The following GRIK4 variants were observed in gnomAD, a reference collection of about 807,000 sequenced individuals.
GRIK4 encodes the protein glutamate receptor ionotropic, kainate 4.
In GRIK4, 40 loss-of-function variants were observed where a neutral mutation model predicts 104.9. The ratio of observed to expected loss-of-function variants is 0.38; its 90% CI spans 0.30 to 0.50. GRIK4 has a LOEUF of 0.50. Ranked by LOEUF, GRIK4 falls within the 20% of genes least tolerant of loss-of-function variation. GRIK4 has a pLI of 0.93. For missense variants in GRIK4, 1,047 were observed against 1,308.1 expected, an observed-to-expected ratio of 0.80 and a Z score of 3.08; for synonymous variants, 485 against 524.9, an observed-to-expected ratio of 0.92 and a Z score of 1.04.
chr11:120,873,753 G>T (rs148087817), intron 9 of GRIK4: 155 of 226,760 alleles, frequency 6.8e-4, no homozygotes, highest in African/African-American at 3.2e-3. Context: ...AGCAGTGGCA[G>T]TTGCTTGTTT....
At chr11:120,788,728 C>T (rs904245440) in intron 3 of GRIK4, among the ~76,000 whole-genome samples, 1 of 152,100 alleles carries the variant, frequency 6.6e-6, no homozygotes, top group African/African-American at 2.4e-5. Flanking sequence ...CCCACTGGCT[C>T]CTCTTCTGAG....
intron 3 of GRIK4, among the ~76,000 whole-genome samples, chr11:120,746,994 G>A (rs1951451146): frequency 6.6e-6 from 1 of 152,140 alleles, no homozygotes; most frequent in South Asian, 2.1e-4. Flanking sequence ...GGGACGATGG[G>A]CTTGCTCTAA....
intron 3 of GRIK4, among the ~76,000 whole-genome samples, chr11:120,722,683 AC>A (rs1458385586): frequency 2.6e-5 from 4 of 151,848 alleles, no homozygotes; most frequent in Non-Finnish European, 5.9e-5. Context: ...CTGACTCCCG[AC>A]TTGGGCTCTT....
intron 1 of GRIK4, among the ~76,000 whole-genome samples, chr11:120,590,148 T>C (rs1487666323): frequency 6.6e-6 from 1 of 152,192 alleles, no homozygotes; most frequent in Non-Finnish European, 1.5e-5. Flanking sequence ...TCTTTAGTGT[T>C]TCAACCAGAG....
intron 1 of GRIK4, among the ~76,000 whole-genome samples, chr11:120,582,602 T>C (rs1948602034): frequency 6.6e-6 from 1 of 152,208 alleles, no homozygotes; most frequent in South Asian, 2.1e-4. Context: ...AGTAAGAACA[T>C]GCAGTATTTG....
intron 1 of GRIK4, among the ~76,000 whole-genome samples, chr11:120,533,627 C>T (rs963300959): frequency 5.3e-5 from 8 of 152,212 alleles, no homozygotes; most frequent in African/African-American, 1.9e-4. Flanking sequence ...CCTGTAATCC[C>T]AGCACTTTGG....
intron 11 of GRIK4, among the ~76,000 whole-genome samples, chr11:120,883,272 G>T (rs1276607357): frequency 6.6e-6 from 1 of 152,188 alleles, no homozygotes; most frequent in African/African-American, 2.4e-5. Flanking sequence ...CTGGGGACCT[G>T]AGGATTTTGT....
chr11:120,929,393 G>T (rs1330819191), intron 13 of GRIK4, among the ~76,000 whole-genome samples: 3 of 152,112 alleles, frequency 2.0e-5, no homozygotes, highest in Non-Finnish European at 4.4e-5. Flanking sequence ...TGATCCCATT[G>T]CCCTGCAGCT....
chr11:120,806,630 A>G (rs959378524), intron 4 of GRIK4, among the ~76,000 whole-genome samples: 4 of 152,246 alleles, frequency 2.6e-5, no homozygotes, highest in Non-Finnish European at 4.4e-5. Context: ...CTGGGGCTGT[A>G]GCACTCCAAC....
At chr11:120,570,061 C>T (rs1948377426) in intron 1 of GRIK4, among the ~76,000 whole-genome samples, 2 of 152,188 alleles carry the variant, frequency 1.3e-5, no homozygotes, top group African/African-American at 2.4e-5. Flanking sequence ...TTGGCTGCTC[C>T]GGGAGCCCCT....
intron 11 of GRIK4, among the ~76,000 whole-genome samples, chr11:120,875,901 C>G (rs1954774977): frequency 6.6e-6 from 1 of 152,114 alleles, no homozygotes; most frequent in Admixed American, 6.5e-5. Context: ...TTGAAGATCT[C>G]CCACCCTCGC....
intron 3 of GRIK4, among the ~76,000 whole-genome samples, chr11:120,710,617 C>T (rs1417520152): frequency 6.6e-6 from 1 of 152,158 alleles, no homozygotes; most frequent in Non-Finnish European, 1.5e-5. Flanking sequence ...GGAATGCGCC[C>T]TGCGGTTTTT....
chr11:120,668,638 G>A (rs932959796), intron 3 of GRIK4, among the ~76,000 whole-genome samples: 10 of 152,256 alleles, frequency 6.6e-5, no homozygotes, highest in African/African-American at 2.4e-4. Flanking sequence ...TTCCTTCAGT[G>A]GCTTTTCATA....
At chr11:120,811,406 C>A (rs151151141) in intron 4 of GRIK4, among the ~76,000 whole-genome samples, 30 of 152,206 alleles carry the variant, frequency 2.0e-4, no homozygotes, top group South Asian at 8.3e-4. Flanking sequence ...GTTAAGGGGC[C>A]GGTCTTTGGG....
chr11:120,534,853 T>C (rs1003721596), intron 1 of GRIK4, among the ~76,000 whole-genome samples: 1 of 152,070 alleles, frequency 6.6e-6, no homozygotes, highest in African/African-American at 2.4e-5. Context: ...CACTTCCCAA[T>C]GGGGGACACT....
At chr11:120,901,481 C>T (rs895788031) in intron 12 of GRIK4, among the ~76,000 whole-genome samples, 1 of 152,176 alleles carries the variant, frequency 6.6e-6, no homozygotes, top group African/African-American at 2.4e-5. Context: ...CCTGCTCTAA[C>T]TCCTGTCCTC....
At chr11:120,615,833 A>T (rs1271091605) in intron 1 of GRIK4, among the ~76,000 whole-genome samples, 4 of 151,938 alleles carry the variant, frequency 2.6e-5, no homozygotes, top group African/African-American at 9.7e-5. Flanking sequence ...TCTTGATTTC[A>T]GTCTCACTCA....
chr11:120,739,379 G>C (rs1042688642), intron 3 of GRIK4, among the ~76,000 whole-genome samples: 1 of 152,166 alleles, frequency 6.6e-6, no homozygotes, highest in African/African-American at 2.4e-5. Context: ...CTGCTTTGCT[G>C]CCCTCTGTGT....
At chr11:120,670,022 A>G (rs953448582) in intron 3 of GRIK4, among the ~76,000 whole-genome samples, 5 of 152,130 alleles carry the variant, frequency 3.3e-5, no homozygotes, top group African/African-American at 7.2e-5. Flanking sequence ...CATTTCATAA[A>G]TGGTAATGCC....
Sources: gnomAD v4.1 joint callset for allele counts (sites outside exome capture counted in the v4.1 genomes callset) on GRCh38, gnomAD v4.1.1 for gene constraint, MANE v1.5 for transcripts, NCBI Gene and HGNC (gene_info 2026-07-23, HGNC 2026-07-21) for gene names.